RASGRF2: variants seen among roughly 807,000 people sequenced by gnomAD.
RASGRF2 encodes the protein ras-specific guanine nucleotide-releasing factor 2.
In RASGRF2, 76 loss-of-function variants were observed where a neutral mutation model predicts 151.0. The observed-to-expected ratio is 0.50, with a 90% CI of 0.42 to 0.61. RASGRF2 has a LOEUF of 0.61. Ranked by LOEUF, RASGRF2 falls within the 20% of genes least tolerant of loss-of-function variation. The probability of loss-of-function intolerance (pLI) is 0.00; values close to 1 mark genes in which losing one functional copy is unlikely to be tolerated. For synonymous variants in RASGRF2, 504 were observed against 566.5 expected (o/e 0.89, Z 1.57); for missense variants, 1,148 against 1,564.6 (o/e 0.73, Z 4.49).
intron 12 of RASGRF2, among the ~76,000 whole-genome samples, chr5:81,102,554 G>T (rs499652): frequency 0.018 from 2,798 of 152,120 alleles, 34 homozygotes; most frequent in Non-Finnish European, 0.027. Context: ...AATTAGCCAG[G>T]CGTGGCGGCA....
intron 7 of RASGRF2, among the ~76,000 whole-genome samples, chr5:81,081,832 A>C (rs1011503090): frequency 1.3e-5 from 2 of 152,186 alleles, no homozygotes; most frequent in Non-Finnish European, 2.9e-5. Context: ...GATGCATTTA[A>C]AACCACTTAA....
intron 2 of RASGRF2, among the ~76,000 whole-genome samples, chr5:81,059,142 G>GCTTGAACCCA (rs1751330008): frequency 4.0e-5 from 6 of 151,740 alleles, no homozygotes; most frequent in Admixed American, 2.0e-4. Flanking sequence ...CCAGCACTTT[G>GCTTGAACCCA]GGAGGCTGAA....
At chr5:81,142,104 T>G (rs558052709) in intron 17 of RASGRF2, among the ~76,000 whole-genome samples, 162 of 152,310 alleles carry the variant, frequency 1.1e-3, no homozygotes, top group African/African-American at 3.7e-3. Flanking sequence ...ATGTAAAATT[T>G]GGGCAGGAAT....
intron 12 of RASGRF2, among the ~76,000 whole-genome samples, chr5:81,105,245 G>A (rs1377129866): frequency 6.6e-6 from 1 of 152,160 alleles, no homozygotes; most frequent in Non-Finnish European, 1.5e-5. Flanking sequence ...CTCCAGTGGT[G>A]CATTTCCTGG....
chr5:81,073,700 G>GC (rs1033493033), intron 5 of RASGRF2, among the ~76,000 whole-genome samples: 2 of 151,948 alleles, frequency 1.3e-5, no homozygotes, highest in Non-Finnish European at 2.9e-5. Flanking sequence ...CTCACTGCCA[G>GC]CTCCGCCTCC....
intron 18 of RASGRF2, among the ~76,000 whole-genome samples, chr5:81,189,492 C>CT (rs1196446275): frequency 0.016 from 2,256 of 139,896 alleles, 53 homozygotes; most frequent in African/African-American, 0.053. Context: ...GTGTGTGTTT[C>CT]TTTTTTTTTT....
At chr5:81,176,216 G>A (rs963037468) in intron 17 of RASGRF2, among the ~76,000 whole-genome samples, 1 of 152,020 alleles carries the variant, frequency 6.6e-6, no homozygotes. Context: ...CACCTAAATG[G>A]GGAGCTCCTT....
At chr5:81,172,053 T>C (rs574807732) in intron 17 of RASGRF2, among the ~76,000 whole-genome samples, 2 of 152,292 alleles carry the variant, frequency 1.3e-5, no homozygotes, top group South Asian at 4.1e-4. Context: ...GCCTGCATTT[T>C]AGAGGCATTT....
intron 2 of RASGRF2, among the ~76,000 whole-genome samples, chr5:81,058,889 T>G (rs1300363866): frequency 6.6e-6 from 1 of 152,126 alleles, no homozygotes; most frequent in African/African-American, 2.4e-5. Flanking sequence ...TTATTTCATT[T>G]GAATAATATG....
intron 1 of RASGRF2, among the ~76,000 whole-genome samples, chr5:81,008,139 C>CTTTTTTTTTTTTTTTTTTTTTT (rs58105434): frequency 5.9e-5 from 5 of 85,388 alleles, no homozygotes; most frequent in African/African-American, 1.9e-4. Context: ...TCTTTCTTTC[C>CTTTTTTTTTTTTTTTTTTTTTT]TTTTTTTTTT....
chr5:81,067,100 T>G (rs1251437408), intron 2 of RASGRF2, among the ~76,000 whole-genome samples: 1 of 152,200 alleles, frequency 6.6e-6, no homozygotes, highest in East Asian at 1.9e-4. Flanking sequence ...CTGAGGTCAG[T>G]ACTTCGCCTC....
intron 9 of RASGRF2, chr5:81,088,252 T>C (rs1239590058): frequency 6.6e-6 from 1 of 152,296 alleles, no homozygotes; most frequent in African/African-American, 2.4e-5. Flanking sequence ...TCCATTTCTT[T>C]TGTGCCTGTT....
At position 80,960,642 on chromosome 5, in the gene RASGRF2, G is replaced by T; in HGVS notation, c.-97G>T. The stretch of plus-strand genomic sequence containing the variant: ...AAAGGGGGCGCCCTTCGCCGGCCGG[G>T]ACCTGAGCGGTCGCGCCCTCGAGGG... On this transcript the variant is annotated 5_prime_UTR_variant, in exon 1 of 27. Transcript: ENST00000265080. The surrounding 1 kb of genome is among the most constrained non-coding windows in gnomAD (Gnocchi z 5.5). 8.6e-7 allele frequency: 1 copy of T among 1,162,732 alleles called. No homozygotes were observed. The highest frequency in any genetic ancestry group is 1.1e-6 in the Non-Finnish European group (1 of 908,954). The allele number at this position is 1,162,732 out of a possible 1,614,324, so 72.0% of individuals were successfully genotyped here.
chr5:81,208,868 C>T (rs1755571081), intron 22 of RASGRF2, among the ~76,000 whole-genome samples: 1 of 152,056 alleles, frequency 6.6e-6, no homozygotes, highest in Non-Finnish European at 1.5e-5. Flanking sequence ...CACTTTTAAA[C>T]AGAATTGATG....
chr5:81,021,580 G>GTCTA (rs1021176575), intron 1 of RASGRF2, among the ~76,000 whole-genome samples: 1 of 148,268 alleles, frequency 6.7e-6, no homozygotes, highest in Non-Finnish European at 1.5e-5. Context: ...GTGTGTGTGT[G>GTCTA]TCTATCAGAG....
At chr5:81,011,660 G>A (rs184947029) in intron 1 of RASGRF2, among the ~76,000 whole-genome samples, 432 of 152,016 alleles carry the variant, frequency 2.8e-3, no homozygotes, top group Non-Finnish European at 5.2e-3. Flanking sequence ...AGAATTGCTT[G>A]AACCTGGGAG....
At chr5:80,989,105 G>A (rs1450288907) in intron 1 of RASGRF2, among the ~76,000 whole-genome samples, 1 of 151,974 alleles carries the variant, frequency 6.6e-6, no homozygotes, top group Non-Finnish European at 1.5e-5. Context: ...AGCCTCCTGA[G>A]TAGCTGGAAT....
At chr5:81,001,899 C>T (rs892567449) in intron 1 of RASGRF2, among the ~76,000 whole-genome samples, 2 of 152,170 alleles carry the variant, frequency 1.3e-5, no homozygotes, top group Non-Finnish European at 2.9e-5. Context: ...TTCTCCTCAT[C>T]GACTGGTTTG....
chr5:81,016,395 G>T (rs1376181664), intron 1 of RASGRF2, among the ~76,000 whole-genome samples: 1 of 152,150 alleles, frequency 6.6e-6, no homozygotes, highest in Non-Finnish European at 1.5e-5. Flanking sequence ...TTTATGATAG[G>T]CTCTCAGAGA....
Sources: gnomAD v4.1 joint callset for allele counts (sites outside exome capture counted in the v4.1 genomes callset) on GRCh38, gnomAD v4.1.1 for gene constraint, Gnocchi (gnomAD v3.1) non-coding constraint, MANE v1.5 for transcripts, NCBI Gene and HGNC (gene_info 2026-07-23, HGNC 2026-07-21) for gene names.